The following CDYL2 variants were observed in gnomAD, a reference collection of about 807,000 sequenced individuals.
CDYL2 encodes chromodomain Y-like protein 2.
A neutral mutation model predicts 49.4 loss-of-function variants in CDYL2; 23 were observed. That is an observed-to-expected ratio of 0.47 (90% CI 0.34 to 0.66). The LOEUF is 0.66. Among genes scored for constraint, CDYL2 ranks in the 30% least tolerant of loss-of-function variants. CDYL2 has a pLI of 0.01. For missense variants in CDYL2, 678 were observed against 656.4 expected (o/e 1.03, Z -0.36); for synonymous variants, 360 against 268.8 (o/e 1.34, Z -3.32).
At position 80,743,340 on chromosome 16, in the gene CDYL2, G is replaced by A. The variant is rs866199020; in HGVS notation, c.25-58211C>T. 6.6e-5 allele frequency among the ~76,000 whole-genome samples: 10 copies of A among 152,282 alleles called. 1 individual carries two copies. The South Asian group carries it at 8.3e-4, about 13-fold the overall frequency. ...CTTCTTAAGTTCTTAAAATCTCTTC[G>A]TTTTATAAAATAGAGAGAATTCAAA... On this transcript the variant is annotated intron_variant, in intron 1 of 6. Coordinates refer to ENST00000570137, the MANE Select transcript of CDYL2 (RefSeq NM_152342.4).
At chr16:80,618,736 C>A (rs1906944369) in intron 4 of CDYL2, among the ~76,000 whole-genome samples, 1 of 152,212 alleles carries the variant, frequency 6.6e-6, no homozygotes, top group Non-Finnish European at 1.5e-5. Flanking sequence ...TTGCCTGCAG[C>A]TGTCCAGGAT....
At chr16:80,635,626 T>C (rs913768558) in intron 2 of CDYL2, among the ~76,000 whole-genome samples, 35 of 152,168 alleles carry the variant, frequency 2.3e-4, no homozygotes, top group Non-Finnish European at 4.9e-4. Flanking sequence ...ATCGTAAAAA[T>C]GGCCCTACTG....
intron 1 of CDYL2, among the ~76,000 whole-genome samples, chr16:80,778,889 T>C (rs1395515973): frequency 6.6e-6 from 1 of 152,080 alleles, no homozygotes; most frequent in African/African-American, 2.4e-5. Flanking sequence ...GGGAAAATAA[T>C]GACTCATTTA....
intron 4 of CDYL2, among the ~76,000 whole-genome samples, chr16:80,616,614 C>T (rs1906837322): frequency 6.6e-6 from 1 of 152,144 alleles, no homozygotes; most frequent in Admixed American, 6.5e-5. Flanking sequence ...CAAACAGTGA[C>T]CACCATCCTG....
At chr16:80,639,714 G>C (rs1907995632) in intron 2 of CDYL2, 1 of 455,924 alleles carries the variant, frequency 2.2e-6, no homozygotes. Flanking sequence ...GCACCGAAGA[G>C]GTAAGAAAAA....
chr16:80,609,991 A>G (rs1157904781), intron 5 of CDYL2, among the ~76,000 whole-genome samples: 1 of 152,218 alleles, frequency 6.6e-6, no homozygotes, highest in African/African-American at 2.4e-5. Context: ...TCATGACAGC[A>G]CCAAGCTCCC....
intron 1 of CDYL2, among the ~76,000 whole-genome samples, chr16:80,748,710 C>T (rs1004042149): frequency 6.6e-6 from 1 of 151,966 alleles, no homozygotes; most frequent in Non-Finnish European, 1.5e-5. Context: ...CACCCACCAT[C>T]TGGCCCAACA....
At chr16:80,617,464 A>G (rs1906882159) in intron 4 of CDYL2, among the ~76,000 whole-genome samples, 1 of 152,220 alleles carries the variant, frequency 6.6e-6, no homozygotes, top group African/African-American at 2.4e-5. Context: ...AGTATGAATC[A>G]AGCTCCTTTC....
At chr16:80,758,723 T>C (rs1338505126) in intron 1 of CDYL2, among the ~76,000 whole-genome samples, 1 of 151,964 alleles carries the variant, frequency 6.6e-6, no homozygotes, top group Non-Finnish European at 1.5e-5. Flanking sequence ...TTTGTATTTT[T>C]AGTAGAGACA....
intron 1 of CDYL2, among the ~76,000 whole-genome samples, chr16:80,790,132 C>A (rs1907562870): frequency 5.3e-5 from 8 of 152,166 alleles, no homozygotes; most frequent in Admixed American, 5.2e-4. Context: ...TAAGAAGTAT[C>A]ATTTCAACAA....
At chr16:80,724,486 G>T (rs931898988) in intron 1 of CDYL2, among the ~76,000 whole-genome samples, 1 of 152,086 alleles carries the variant, frequency 6.6e-6, no homozygotes, top group Non-Finnish European at 1.5e-5. Context: ...GCAGCATGAA[G>T]ATCCTGACTC....
In CDYL2 at chr16:80,767,491, C is replaced by T. The variant is rs984231745; in HGVS notation, c.24+36659G>A. On this transcript the variant is annotated intron_variant, in intron 1 of 6. Coordinates refer to ENST00000570137, the MANE Select transcript of CDYL2 (RefSeq NM_152342.4). ...ACTGCACACAGATCCCCCCACTAAA[C>T]TTCATTTACGAAAAATGAAATGATC... Among the ~76,000 whole-genome samples, 33 of 152,268 alleles carry T rather than the reference C, an allele frequency of 2.2e-4. No individual in the cohort carries two copies. The South Asian group carries it at 4.4e-3, about 20-fold the overall frequency.
At chr16:80,623,866 G>A (rs1384838746) in intron 3 of CDYL2, among the ~76,000 whole-genome samples, 7 of 152,166 alleles carry the variant, frequency 4.6e-5, no homozygotes, top group South Asian at 2.1e-4. Flanking sequence ...CATGATAGCA[G>A]TGTGGCTACG....
intron 1 of CDYL2, among the ~76,000 whole-genome samples, chr16:80,693,849 G>T (rs1052696632): frequency 6.6e-6 from 1 of 152,094 alleles, no homozygotes; most frequent in South Asian, 2.1e-4. Context: ...AATCAACCAA[G>T]GTGTCAGAGG....
rs190279264 is a variant in CDYL2, at chr16:80,618,915, C to T, written c.1007+1848G>A. 5.3e-5 allele frequency among the ~76,000 whole-genome samples: 8 copies of T among 152,262 alleles called. No individual in the cohort carries two copies. In the South Asian group the frequency reaches 8.3e-4, roughly 16 times the overall value. Reference sequence around the variant, plus strand: ...TTTCCTTCCAGGCTGTATTAGTTTCCCAGGGAACAGTCACCACAAACTTGG... The same window carrying T: ...TTTCCTTCCAGGCTGTATTAGTTTCTCAGGGAACAGTCACCACAAACTTGG... On this transcript the variant is annotated intron_variant, in intron 4 of 6. Coordinates refer to ENST00000570137, the MANE Select transcript of CDYL2 (RefSeq NM_152342.4).
chr16:80,598,576 T>A lies in CDYL2; in HGVS notation c.*5812A>T, dbSNP rs1905940164. 6.6e-6 allele frequency: 1 copy of A among 152,138 alleles called. No homozygotes were observed. The allele number at this position is 152,138 out of a possible 1,614,324, so 9.4% of individuals were successfully genotyped here. On this transcript the variant is annotated 3_prime_UTR_variant, in exon 7 of 7. Transcript: ENST00000570137. ...TCCTACTGTTCAGTATAGACATGTCTGAAAAATTCTTACCCTGGAGGTTCA... is the reference window on the plus strand; with the variant it reads ...TCCTACTGTTCAGTATAGACATGTCAGAAAAATTCTTACCCTGGAGGTTCA...
At chr16:80,713,624 G>A (rs947653962) in intron 1 of CDYL2, among the ~76,000 whole-genome samples, 2 of 152,106 alleles carry the variant, frequency 1.3e-5, no homozygotes, top group African/African-American at 4.8e-5. Context: ...AACACATTAA[G>A]ATCTCCTGTC....
Position 80,600,518 on chromosome 16 carries a change from T to G in CDYL2, c.*3870A>C, listed in dbSNP as rs552921554. The G allele has an allele frequency of 4.6e-5, 7 of 152,268 alleles. No homozygotes were observed. In the South Asian group the frequency reaches 1.5e-3, roughly 32 times the overall value. The allele number at this position is 152,268 out of a possible 1,614,324, so 9.4% of individuals were successfully genotyped here. ...AGGCAAAGTGTAGATGTTTAAAGATTATACAAAACCATTTACAGAGAATAA... is the reference window on the plus strand; with the variant it reads ...AGGCAAAGTGTAGATGTTTAAAGATGATACAAAACCATTTACAGAGAATAA... On this transcript the variant is annotated 3_prime_UTR_variant, in exon 7 of 7. Transcript: ENST00000570137.
intron 1 of CDYL2, among the ~76,000 whole-genome samples, chr16:80,756,314 C>T (rs893553187): frequency 1.3e-5 from 2 of 152,084 alleles, no homozygotes; most frequent in Non-Finnish European, 2.9e-5. Flanking sequence ...CCACAAACCT[C>T]TGTCTAGTCT....
Sources: gnomAD v4.1 joint callset for allele counts (sites outside exome capture counted in the v4.1 genomes callset) on GRCh38, gnomAD v4.1.1 for gene constraint, MANE v1.5 for transcripts, NCBI Gene and HGNC (gene_info 2026-07-23, HGNC 2026-07-21) for gene names.